Variants in ZNF385B observed in about 807,000 individuals in gnomAD.
ZNF385B encodes zinc finger protein 385B, also known as zinc finger protein 533.
Under a neutral mutation model 39.2 loss-of-function variants are expected in ZNF385B, and 23 were observed. The ratio of observed to expected loss-of-function variants is 0.59; its 90% CI spans 0.42 to 0.83. ZNF385B has a LOEUF of 0.83. Ranked by LOEUF, ZNF385B falls within the 40% of genes least tolerant of loss-of-function variation. The probability of loss-of-function intolerance (pLI) is 0.00; values close to 1 mark genes in which losing one functional copy is unlikely to be tolerated. For missense variants in ZNF385B, 552 were observed against 598.9 expected (o/e 0.92, Z 0.82); for synonymous variants, 205 against 222.6 (o/e 0.92, Z 0.70).
At chr2:179,635,380 TG>T (rs1462289155) in intron 3 of ZNF385B, among the ~76,000 whole-genome samples, 2 of 4,320 alleles carry the variant, frequency 4.6e-4, no homozygotes, top group Non-Finnish European at 9.3e-4. Context: ...TGGGGCCTGT[TG>T]GGGGGTGGGG....
intron 3 of ZNF385B, among the ~76,000 whole-genome samples, chr2:179,706,983 C>T (rs553252132): frequency 3.6e-4 from 55 of 152,196 alleles, no homozygotes; most frequent in Admixed American, 5.2e-4. Context: ...ATCCTGGGAC[C>T]CCAAGATACC....
intron 3 of ZNF385B, among the ~76,000 whole-genome samples, chr2:179,766,638 G>GT (rs1479103160): frequency 8.6e-5 from 13 of 151,842 alleles, no homozygotes; most frequent in Admixed American, 2.6e-4. Flanking sequence ...CCGAATTTCC[G>GT]TTTTTTTGTA....
chr2:179,737,554 A>T (rs534939220), intron 3 of ZNF385B, among the ~76,000 whole-genome samples: 111 of 152,264 alleles, frequency 7.3e-4, no homozygotes, highest in African/African-American at 2.3e-3. Flanking sequence ...AACTTTTATT[A>T]AGACATCTAT....
intron 3 of ZNF385B, among the ~76,000 whole-genome samples, chr2:179,687,088 T>C (rs1697981057): frequency 6.6e-6 from 1 of 151,686 alleles, no homozygotes; most frequent in African/African-American, 2.4e-5. Flanking sequence ...TGCAGTATAC[T>C]TCCTTACCTT....
chr2:179,622,007 A>G (rs1046661518), intron 3 of ZNF385B, among the ~76,000 whole-genome samples: 1 of 152,184 alleles, frequency 6.6e-6, no homozygotes, highest in African/African-American at 2.4e-5. Flanking sequence ...CAGGATTTTT[A>G]TCTCTTCCAC....
chr2:179,685,473 G>T (rs1179059737), intron 3 of ZNF385B, among the ~76,000 whole-genome samples: 1 of 152,120 alleles, frequency 6.6e-6, no homozygotes, highest in Non-Finnish European at 1.5e-5. Flanking sequence ...AAAGTTCATT[G>T]CATTGAATTT....
In ZNF385B at chr2:179,550,286, G is replaced by C. The variant is rs144303148; in HGVS notation, c.299-5317C>G. Among the ~76,000 whole-genome samples the C allele has an allele frequency of 3.3e-3, 492 of 149,608 alleles. 44 individuals carry two copies. The highest frequency in any genetic ancestry group is 0.012 in the African/African-American group (467 of 39,830). On this transcript the variant is annotated intron_variant, in intron 3 of 9. Coordinates refer to ENST00000410066, the MANE Select transcript of ZNF385B (RefSeq NM_152520.6). ...TCTCTAAGCCCACAATGGTGGCTCT[G>C]ATAATACTGTGTAATACATGGCTCC... is the stretch of plus-strand genomic sequence containing the variant.
At position 179,833,857 on chromosome 2, in the gene ZNF385B, C is replaced by A. The variant is rs75473636; in HGVS notation, c.-155+27244G>T. ...GAATGCAGGTAACTTGTGGACATAG[C>A]GTATGACTTTATATCATCAATGAAA... On this transcript the variant is annotated intron_variant, in intron 1 of 9. Transcript: ENST00000410066. 6.9e-3 allele frequency among the ~76,000 whole-genome samples: 1,049 copies of A among 152,194 alleles called. 9 individuals carry two copies. Among genetic ancestry groups the A allele is most frequent in the South Asian group, 0.013 (62 of 4,822 alleles).
At chr2:179,646,052 CT>C (rs1692690673) in intron 3 of ZNF385B, among the ~76,000 whole-genome samples, 1 of 152,214 alleles carries the variant, frequency 6.6e-6, no homozygotes, top group African/African-American at 2.4e-5. Flanking sequence ...TGATCTCTAG[CT>C]GGCTCTCCTG....
At chr2:179,561,210 A>G (rs1233267030) in intron 3 of ZNF385B, among the ~76,000 whole-genome samples, 1 of 152,188 alleles carries the variant, frequency 6.6e-6, no homozygotes, top group Non-Finnish European at 1.5e-5. Context: ...TGTTTTTCTG[A>G]TGAAGAAAAT....
At chr2:179,539,562 CA>C (rs2059790086) in intron 4 of ZNF385B, among the ~76,000 whole-genome samples, 1 of 151,914 alleles carries the variant, frequency 6.6e-6, no homozygotes, top group Non-Finnish European at 1.5e-5. Flanking sequence ...AACTAAACAC[CA>C]AGTATTATCC....
At chr2:179,598,563 T>C (rs1293825293) in intron 3 of ZNF385B, among the ~76,000 whole-genome samples, 3 of 152,272 alleles carry the variant, frequency 2.0e-5, no homozygotes, top group Admixed American at 2.0e-4. Flanking sequence ...TTATTATATA[T>C]ATAAAACCTG....
intron 3 of ZNF385B, among the ~76,000 whole-genome samples, chr2:179,649,961 G>C (rs1693060824): frequency 6.6e-6 from 1 of 152,106 alleles, no homozygotes; most frequent in African/African-American, 2.4e-5. Flanking sequence ...CCCAGTATTA[G>C]CACCCTTCCT....
chr2:179,534,256 GC>G (rs968929661), intron 4 of ZNF385B, among the ~76,000 whole-genome samples: 2 of 152,110 alleles, frequency 1.3e-5, no homozygotes, highest in Admixed American at 1.3e-4. Context: ...TACACAGCCA[GC>G]CCAAGTGATA....
intron 3 of ZNF385B, among the ~76,000 whole-genome samples, chr2:179,595,936 A>T (rs372541948): frequency 6.6e-6 from 1 of 152,292 alleles, no homozygotes; most frequent in East Asian, 1.9e-4. Flanking sequence ...TACAGAATAC[A>T]GCATTTTAAA....
chr2:179,680,424 G>A (rs1697412403), intron 3 of ZNF385B, among the ~76,000 whole-genome samples: 1 of 151,960 alleles, frequency 6.6e-6, no homozygotes, highest in African/African-American at 2.4e-5. Flanking sequence ...TCAAGAAAAG[G>A]CAACCCTACA....
At chr2:179,539,055 G>A (rs916643622) in intron 4 of ZNF385B, among the ~76,000 whole-genome samples, 1 of 152,230 alleles carries the variant, frequency 6.6e-6, no homozygotes, top group African/African-American at 2.4e-5. Flanking sequence ...AGTTGGGTAT[G>A]TGTTTCAGTC....
At chr2:179,548,824 A>G (rs753038661) in intron 3 of ZNF385B, among the ~76,000 whole-genome samples, 10 of 149,570 alleles carry the variant, frequency 6.7e-5, no homozygotes, top group South Asian at 2.2e-4. Context: ...CTTCCATGAC[A>G]TGTGGGGATT....
At chr2:179,728,172 A>C (rs1438584722) in intron 3 of ZNF385B, among the ~76,000 whole-genome samples, 1 of 152,142 alleles carries the variant, frequency 6.6e-6, no homozygotes, top group Non-Finnish European at 1.5e-5. Context: ...TATCTCAATA[A>C]TAATCTCCAT....
Sources: gnomAD v4.1 joint callset for allele counts (sites outside exome capture counted in the v4.1 genomes callset) on GRCh38, gnomAD v4.1.1 for gene constraint, MANE v1.5 for transcripts, NCBI Gene and HGNC (gene_info 2026-07-23, HGNC 2026-07-21) for gene names.